The following RFX3 variants were observed in gnomAD, a reference collection of about 807,000 sequenced individuals.
RFX3 encodes transcription factor RFX3.
A neutral mutation model predicts 98.6 loss-of-function variants in RFX3; 14 were observed. The observed-to-expected ratio is 0.14, with a 90% CI of 0.09 to 0.22. The LOEUF is 0.22. RFX3 is among the 10% of genes least tolerant of loss of function. The pLI, the probability that RFX3 is intolerant of heterozygous loss-of-function variation, is 1.00. For synonymous variants in RFX3, 383 were observed against 328.4 expected (o/e 1.17, Z -1.80); for missense variants, 639 against 926.9 (o/e 0.69, Z 4.03).
chr9:3,504,922 ATATAT>A (rs1430056496), intron 1 of RFX3, among the ~76,000 whole-genome samples: 24 of 23,838 alleles, frequency 1.0e-3, no homozygotes, highest in Non-Finnish European at 1.2e-3. Flanking sequence ...ATAATATAAC[ATATAT>A]TATATATAAT....
At chr9:3,427,316 T>C (rs1844164531) in intron 1 of RFX3, among the ~76,000 whole-genome samples, 1 of 143,272 alleles carries the variant, frequency 7.0e-6, no homozygotes, top group South Asian at 2.1e-4. Context: ...TATTACATAA[T>C]AATACAATAT....
chr9:3,455,139 G>A (rs1208378702), intron 1 of RFX3, among the ~76,000 whole-genome samples: 1 of 152,150 alleles, frequency 6.6e-6, no homozygotes, highest in East Asian at 1.9e-4. Context: ...ACTCTTCTAT[G>A]TAAGACCAGC....
chr9:3,409,601 G>C lies in RFX3; in HGVS notation c.-8-14005C>G, dbSNP rs778445662. Among the ~76,000 whole-genome samples, 6 of 152,282 alleles carry C rather than the reference G, an allele frequency of 3.9e-5. No homozygotes were observed. In the South Asian group the frequency reaches 6.2e-4, roughly 16 times the overall value. ...CACAGTTCAGGCAGTTGACAATTTA[G>C]AAAACTGGTCATTAGACAAAATGAT... On this transcript the variant is annotated intron_variant, in intron 1 of 16. Transcript: ENST00000617270.
intron 4 of RFX3, among the ~76,000 whole-genome samples, chr9:3,305,119 G>C (rs1829123609): frequency 6.6e-6 from 1 of 152,042 alleles, no homozygotes; most frequent in South Asian, 2.1e-4. Flanking sequence ...CGACTTAATA[G>C]AGCCAGGAGG....
intron 1 of RFX3, among the ~76,000 whole-genome samples, chr9:3,497,688 TC>T (rs1271403454): frequency 6.7e-6 from 1 of 149,858 alleles, no homozygotes; most frequent in Non-Finnish European, 1.5e-5. Context: ...CTGACAAACA[TC>T]TCTACCTCAA....
In RFX3 at chr9:3,262,942, T is replaced by G; in HGVS notation, c.1598A>C (p.Asn533Thr). The change falls in exon 13 of 17, where the codon AAT becomes ACT. Residue 533 changes from asparagine to threonine, a missense_variant. Asn to Thr is a moderately conservative substitution (Grantham distance 65). Around this residue, in one of 9 missense-constraint regions of RFX3, gnomAD observed 138 missense variants for 308.9 expected, o/e 0.45. Transcript: ENST00000617270. Reference sequence around the variant, plus strand: ...TGCAAGGAAATAGAATACCTGGACATTGGCAAAGTCGACACGGTTGAGGTC... The same window carrying G: ...TGCAAGGAAATAGAATACCTGGACAGTGGCAAAGTCGACACGGTTGAGGTC... ...LSDLNRVDFA[N>T]VQEQASWVCQ... 6.2e-7 allele frequency: 1 copy of G among 1,613,422 alleles called. No homozygotes were observed. The highest frequency in any genetic ancestry group is 8.5e-7 in the Non-Finnish European group (1 of 1,179,566).
At chr9:3,371,272 A>G (rs1434405994) in intron 2 of RFX3, among the ~76,000 whole-genome samples, 1 of 152,204 alleles carries the variant, frequency 6.6e-6, no homozygotes, top group Non-Finnish European at 1.5e-5. Flanking sequence ...GTTAAGATAA[A>G]GCAAAATGAA....
At chr9:3,465,953 G>A (rs1349764102) in intron 1 of RFX3, among the ~76,000 whole-genome samples, 2 of 152,132 alleles carry the variant, frequency 1.3e-5, no homozygotes, top group South Asian at 2.1e-4. Flanking sequence ...GTGACCATAT[G>A]AACAACATTT....
chr9:3,269,419 T>G (rs1390140861), intron 11 of RFX3, among the ~76,000 whole-genome samples: 1 of 152,106 alleles, frequency 6.6e-6, no homozygotes, highest in Non-Finnish European at 1.5e-5. Context: ...GTGAATAGTA[T>G]ACTTGAAGTA....
At chr9:3,387,132 G>T (rs186895748) in intron 2 of RFX3, among the ~76,000 whole-genome samples, 2 of 152,150 alleles carry the variant, frequency 1.3e-5, no homozygotes, top group African/African-American at 4.8e-5. Flanking sequence ...GCAGCTCAAG[G>T]GTCACATCTT....
In RFX3 at chr9:3,503,882, C is replaced by G. The variant is rs182434520; in HGVS notation, c.-9+21865G>C. Among the ~76,000 whole-genome samples, 38 of 151,800 alleles carry G rather than the reference C, an allele frequency of 2.5e-4. 1 individual carries two copies. The highest frequency in any genetic ancestry group is 8.9e-4 in the African/African-American group (37 of 41,454). On this transcript the variant is annotated intron_variant, in intron 1 of 16. Transcript: ENST00000617270. ...CAAATTTAAATTAGCCATAAGTAAA[C>G]TAAGGGTATAACCAACCAAATTAGC...
At chr9:3,294,091 T>C (rs922709003) in intron 5 of RFX3, among the ~76,000 whole-genome samples, 12 of 152,168 alleles carry the variant, frequency 7.9e-5, no homozygotes, top group East Asian at 1.9e-4. Context: ...TTTTAGAAAA[T>C]TGAATCCAAG....
chr9:3,476,661 T>C (rs1054978172), intron 1 of RFX3, among the ~76,000 whole-genome samples: 3 of 152,208 alleles, frequency 2.0e-5, no homozygotes, highest in African/African-American at 7.2e-5. Context: ...CCATCTTTTA[T>C]GTATCATAAG....
At chr9:3,515,267 G>T (rs955931208) in intron 1 of RFX3, among the ~76,000 whole-genome samples, 2 of 152,022 alleles carry the variant, frequency 1.3e-5, no homozygotes, top group Admixed American at 1.3e-4. Context: ...AAAAAAGAAA[G>T]ATATTATTTT....
chr9:3,452,209 T>C (rs1564118540), intron 1 of RFX3: 2 of 160,534 alleles, frequency 1.2e-5, no homozygotes, highest in Non-Finnish European at 2.8e-5. Flanking sequence ...CAGCCTTCTC[T>C]AGCTTGGCCC....
At chr9:3,439,641 T>G (rs1394437263) in intron 1 of RFX3, among the ~76,000 whole-genome samples, 1 of 151,962 alleles carries the variant, frequency 6.6e-6, no homozygotes, top group Non-Finnish European at 1.5e-5. Flanking sequence ...GAAATTGAAT[T>G]TGTAATTCAA....
chr9:3,474,517 T>C (rs1225253839), intron 1 of RFX3, among the ~76,000 whole-genome samples: 2 of 152,190 alleles, frequency 1.3e-5, no homozygotes, highest in South Asian at 2.1e-4. Context: ...CACAAACTCA[T>C]AGAAGCTCAT....
chr9:3,270,914 G>C, intron 10 of RFX3, 89 bp downstream of exon 10: 1 of 1,572,430 alleles, frequency 6.4e-7, no homozygotes, highest in Non-Finnish European at 8.7e-7. Flanking sequence ...CATCAGGTAA[G>C]GTTCACAACT....
intron 14 of RFX3, among the ~76,000 whole-genome samples, chr9:3,256,324 A>AC (rs1822140502): frequency 2.3e-5 from 3 of 130,890 alleles, no homozygotes. Context: ...CTTGGGAGGC[A>AC]CCTAGGATTT....
Sources: allele counts gnomAD v4.1 joint callset (sites outside exome capture counted in the v4.1 genomes callset), GRCh38; gene constraint gnomAD v4.1.1; regional missense constraint gnomAD v4.1.1; transcripts MANE v1.5; gene names NCBI Gene and HGNC (gene_info 2026-07-23, HGNC 2026-07-21).